ZSCAN4: variants seen among roughly 807,000 people sequenced by gnomAD.
ZSCAN4 encodes zinc finger and SCAN domain-containing protein 4.
ZSCAN4 carries 18 observed loss-of-function variants against 18.3 expected under a neutral mutation model. That is an observed-to-expected ratio of 0.98 (90% CI 0.68 to 1.46). ZSCAN4 has a LOEUF of 1.46. Ranked by LOEUF, ZSCAN4 falls within the 40% of genes most tolerant of loss-of-function variation. ZSCAN4 has a pLI of 0.00. For missense variants in ZSCAN4, 498 were observed against 511.4 expected (o/e 0.97, Z 0.25); for synonymous variants, 193 against 180.3 (o/e 1.07, Z -0.57).
the ZSCAN4 span, among the ~76,000 whole-genome samples, chr19:57,661,863 T>A: frequency 6.6e-6 from 1 of 151,860 alleles, no homozygotes; most frequent in Non-Finnish European, 1.5e-5. Flanking sequence ...GGGCAGAAAA[T>A]CTGAGGTCAG....
At chr19:57,652,249 C>G in the ZSCAN4 span, among the ~76,000 whole-genome samples, 1 of 152,196 alleles carries the variant, frequency 6.6e-6, no homozygotes, top group Admixed American at 6.5e-5. Flanking sequence ...GCCTTATTTT[C>G]CTTTGTAATG....
At chr19:57,676,104 T>A in exon 3 of ZSCAN4, 1 of 1,551,060 alleles carries the variant, frequency 6.4e-7, no homozygotes, top group Non-Finnish European at 8.7e-7. Flanking sequence ...GGCAAGAGAC[T>A]GAATCATCAA....
chr19:57,652,132 C>A, the ZSCAN4 span, among the ~76,000 whole-genome samples: 1 of 152,100 alleles, frequency 6.6e-6, no homozygotes, highest in Non-Finnish European at 1.5e-5. Flanking sequence ...ACCCTCCTGG[C>A]CACCAATATG....
the ZSCAN4 span, among the ~76,000 whole-genome samples, chr19:57,659,120 A>C: frequency 2.6e-5 from 4 of 152,076 alleles, no homozygotes; most frequent in Admixed American, 6.6e-5. Context: ...ATATATCTTA[A>C]ATGTCATTTT....
chr19:57,679,096 G>T (rs935104691), exon 5 of ZSCAN4: 7 of 492,698 alleles, frequency 1.4e-5, no homozygotes, highest in East Asian at 7.5e-5. Context: ...AAGTGGTTGG[G>T]AAAGTGGAAC....
upstream of ZSCAN4, among the ~76,000 whole-genome samples, chr19:57,665,201 A>T (rs867477104): frequency 3.3e-5 from 5 of 152,192 alleles, no homozygotes; most frequent in Admixed American, 1.3e-4. Flanking sequence ...TAGTAATTGC[A>T]TATTGCACTC....
rs532174603 is a variant in ZSCAN4 at position 57,672,502 on chromosome 19, A to T, written c.-106+1935A>T. ...TAATTGACAAAGATTGTATATATTT[A>T]AGGTGTACAATGTGACACTTCTCTC... is the stretch of plus-strand genomic sequence containing the variant. On this transcript the variant is annotated intron_variant, in intron 2 of 4. Transcript: ENST00000318203. 3.9e-5 allele frequency among the ~76,000 whole-genome samples: 6 copies of T among 152,260 alleles called. No individual in the cohort carries two copies. The East Asian group carries it at 1.2e-3, about 29-fold the overall frequency.
the ZSCAN4 span, among the ~76,000 whole-genome samples, chr19:57,656,668 C>A: frequency 1.3e-5 from 2 of 152,232 alleles, no homozygotes; most frequent in African/African-American, 2.4e-5. Context: ...AAAGGGCCAA[C>A]TACAGCCTGG....
the ZSCAN4 span, among the ~76,000 whole-genome samples, chr19:57,659,367 G>A: frequency 3.3e-5 from 5 of 151,642 alleles, no homozygotes; most frequent in African/African-American, 1.2e-4. Flanking sequence ...ATGAAAAAAT[G>A]ACCTGACCCA....
intron 2 of ZSCAN4, among the ~76,000 whole-genome samples, chr19:57,674,588 G>C (rs1350193254): frequency 1.3e-5 from 2 of 152,108 alleles, no homozygotes; most frequent in Admixed American, 1.3e-4. Flanking sequence ...CTCTTAGGTT[G>C]GTTCCATGAC....
Position 57,676,115 on chromosome 19 carries a change from A to T in ZSCAN4, c.-31A>T, listed in dbSNP as rs1192799707. ...ACAAGGCAAGAGACTGAATCATCAA[A>T]GTAAAGTCTCTCTGAGAATTATTGC... On this transcript the variant is annotated 5_prime_UTR_variant, in exon 3 of 5. In the 5' UTR this introduces an upstream ATG that the reference lacks. Coordinates refer to ENST00000318203, the Ensembl canonical transcript of ZSCAN4. 1 of 1,567,382 alleles carries T rather than the reference A, an allele frequency of 6.4e-7. No individual in the cohort carries two copies. Among genetic ancestry groups the T allele is most frequent in the East Asian group, 2.3e-5 (1 of 44,414 alleles).
the ZSCAN4 span, among the ~76,000 whole-genome samples, chr19:57,653,839 G>C: frequency 0.047 from 7,116 of 152,198 alleles, 414 homozygotes; most frequent in African/African-American, 0.14. Flanking sequence ...CCCATCTGTG[G>C]TATCAAGGGA....
chr19:57,674,092 T>C (rs964538811), intron 2 of ZSCAN4, among the ~76,000 whole-genome samples: 1 of 152,224 alleles, frequency 6.6e-6, no homozygotes, highest in Admixed American at 6.5e-5. Context: ...GATAACACAA[T>C]ATTACAATAT....
the ZSCAN4 span, among the ~76,000 whole-genome samples, chr19:57,662,801 C>A: frequency 1.3e-5 from 2 of 152,188 alleles, no homozygotes; most frequent in Non-Finnish European, 2.9e-5. Context: ...CTCAAGTGAT[C>A]CACCTGCCTT....
At position 57,678,753 on chromosome 19, in the gene ZSCAN4, C is replaced by T. The variant is rs142150420; in HGVS notation, c.1150C>T (p.Arg384Trp). The T allele has an allele frequency of 3.2e-5, 52 of 1,613,972 alleles. No homozygotes were observed. In the East Asian group the frequency reaches 3.8e-4, roughly 12 times the overall value. ...GTCCTTCAGCCACAAAACCAACCTG[C>T]GGTCTCATGAGAGAATCCACACAGG... Residue 384 changes from arginine (R) to tryptophan (W), a missense_variant, in exon 5 of 5, where the codon CGG becomes TGG. Arg to Trp is a moderately radical substitution (Grantham distance 101). Coordinates refer to ENST00000318203, the Ensembl canonical transcript of ZSCAN4.
exon 5 of ZSCAN4, chr19:57,678,310 C>T (rs777271248): frequency 1.7e-5 from 27 of 1,614,172 alleles, no homozygotes; most frequent in Non-Finnish European, 1.6e-5. Context: ...GGAGGTGTTT[C>T]TTCTGACAAC....
intron 2 of ZSCAN4, among the ~76,000 whole-genome samples, chr19:57,671,106 C>A (rs1046237899): frequency 6.6e-6 from 1 of 152,034 alleles, no homozygotes; most frequent in South Asian, 2.1e-4. Context: ...CAGTGATTTG[C>A]CCACTTTCAG....
the ZSCAN4 span, among the ~76,000 whole-genome samples, chr19:57,657,366 A>G: frequency 6.6e-6 from 1 of 152,196 alleles, no homozygotes; most frequent in Non-Finnish European, 1.5e-5. Flanking sequence ...ATATAAATGC[A>G]TGAAAATAAG....
chr19:57,655,877 T>G, the ZSCAN4 span, among the ~76,000 whole-genome samples: 4 of 152,022 alleles, frequency 2.6e-5, no homozygotes, highest in African/African-American at 9.7e-5. Context: ...AAGAGCCATG[T>G]CTTGCAGCAG....
Sources: gnomAD v4.1 joint callset for allele counts (sites outside exome capture counted in the v4.1 genomes callset) on GRCh38, gnomAD v4.1.1 for gene constraint, MANE v1.5 for transcripts, NCBI Gene and HGNC (gene_info 2026-07-23, HGNC 2026-07-21) for gene names.